Variants in TANC2 observed in about 807,000 individuals in gnomAD.
TANC2 encodes protein TANC2.
TANC2 carries 26 observed loss-of-function variants against 210.5 expected under a neutral mutation model. The ratio of observed to expected loss-of-function variants is 0.12; its 90% CI spans 0.09 to 0.17. The LOEUF (loss-of-function observed/expected upper bound fraction) is 0.17. Among genes scored for constraint, TANC2 ranks in the 10% least tolerant of loss-of-function variants. TANC2 has a pLI of 1.00. For missense variants in TANC2, 2,129 were observed against 2,608.9 expected, an observed-to-expected ratio of 0.82 and a Z score of 4.01; for synonymous variants, 931 against 967.1, an observed-to-expected ratio of 0.96 and a Z score of 0.69.
intron 9 of TANC2, among the ~76,000 whole-genome samples, chr17:63,312,551 A>G (rs563814260): frequency 6.6e-6 from 1 of 152,256 alleles, no homozygotes; most frequent in Non-Finnish European, 1.5e-5. Flanking sequence ...AAAGATGGTA[A>G]CAGTAGACAC....
Position 63,133,130 on chromosome 17 carries a change from C to T in TANC2, c.323-18140C>T, listed in dbSNP as rs535053211. On this transcript the variant is annotated intron_variant, in intron 4 of 27. Transcript: ENST00000689528. ...CTGAGATTACAGGTGTGTGCCACCA[C>T]GCCTGGCTAATTTTTGTATTTTTAG... Among the ~76,000 whole-genome samples the T allele has an allele frequency of 7.9e-4, 120 of 152,256 alleles. 1 individual carries two copies. Among genetic ancestry groups the T allele is most frequent in the Middle Eastern group, 6.8e-3 (2 of 292 alleles).
At chr17:63,055,981 AAAAAAAAAAATATATAT>A (rs1447950943) in intron 2 of TANC2, among the ~76,000 whole-genome samples, 538 of 33,506 alleles carry the variant, frequency 0.016, 4 homozygotes, top group Middle Eastern at 0.027. Context: ...AAAAAAAAAA[AAAAAAAAAAATATATAT>A]ATATATATAT....
chr17:63,233,359 G>C (rs1451627283), intron 7 of TANC2, among the ~76,000 whole-genome samples: 1 of 152,174 alleles, frequency 6.6e-6, no homozygotes, highest in Non-Finnish European at 1.5e-5. Flanking sequence ...GGCCCACGAG[G>C]GGGATCTCCT....
At chr17:63,275,599 G>A (rs1306409015) in intron 9 of TANC2, among the ~76,000 whole-genome samples, 1 of 152,034 alleles carries the variant, frequency 6.6e-6, no homozygotes, top group Non-Finnish European at 1.5e-5. Flanking sequence ...TCATTGCCTG[G>A]CTGGCTCTCA....
intron 1 of TANC2, among the ~76,000 whole-genome samples, chr17:63,002,776 A>G (rs1229913762): frequency 1.3e-5 from 2 of 152,160 alleles, no homozygotes; most frequent in South Asian, 2.1e-4. Flanking sequence ...TTCACTTGGC[A>G]TATTATATGT....
At chr17:63,198,323 T>C (rs1194942589) in intron 6 of TANC2, among the ~76,000 whole-genome samples, 1 of 152,014 alleles carries the variant, frequency 6.6e-6, no homozygotes, top group African/African-American at 2.4e-5. Context: ...GCCTCCTGAG[T>C]AGCTGGGAGT....
At chr17:63,330,064 C>G (rs141467600) in intron 11 of TANC2, among the ~76,000 whole-genome samples, 223 of 152,234 alleles carry the variant, frequency 1.5e-3, no homozygotes, top group Non-Finnish European at 2.7e-3. Flanking sequence ...GCAAAACAAG[C>G]TTTTTGCTGA....
chr17:63,130,264 C>G (rs1430007914), intron 4 of TANC2, among the ~76,000 whole-genome samples: 1 of 152,126 alleles, frequency 6.6e-6, no homozygotes, highest in Non-Finnish European at 1.5e-5. Flanking sequence ...ATCCCAGCAC[C>G]TTATGAGGCC....
chr17:62,978,005 CTTCAG>C (rs778486241), intron 1 of TANC2, among the ~76,000 whole-genome samples: 1 of 152,154 alleles, frequency 6.6e-6, no homozygotes, highest in East Asian at 1.9e-4. Flanking sequence ...ATGGCTATCA[CTTCAG>C]TTCAGTAAAT....
chr17:63,392,293 A>G (rs1420289539), intron 17 of TANC2, among the ~76,000 whole-genome samples: 1 of 152,212 alleles, frequency 6.6e-6, no homozygotes, highest in Non-Finnish European at 1.5e-5. Context: ...CTTGGCAGGC[A>G]TGTTCATATC....
intron 7 of TANC2, among the ~76,000 whole-genome samples, chr17:63,218,791 G>A (rs1259447440): frequency 6.6e-6 from 1 of 152,086 alleles, no homozygotes; most frequent in Non-Finnish European, 1.5e-5. Flanking sequence ...AGCTAAGGGA[G>A]GCTGAGACAG....
chr17:63,158,714 A>C (rs1414002455), intron 5 of TANC2, among the ~76,000 whole-genome samples: 1 of 152,210 alleles, frequency 6.6e-6, no homozygotes, highest in African/African-American at 2.4e-5. Context: ...ATTGTTGCAT[A>C]ACAAATTACC....
intron 4 of TANC2, among the ~76,000 whole-genome samples, chr17:63,119,637 T>C (rs2038385552): frequency 6.6e-6 from 1 of 152,218 alleles, no homozygotes; most frequent in South Asian, 2.1e-4. Context: ...AGTTAATGCT[T>C]CTTTATGACT....
intron 1 of TANC2, among the ~76,000 whole-genome samples, chr17:62,997,741 T>G (rs1236102578): frequency 6.6e-6 from 1 of 152,226 alleles, no homozygotes; most frequent in African/African-American, 2.4e-5. Flanking sequence ...ATTAAAGCAT[T>G]TTAATGGTAT....
chr17:63,328,225 G>C (rs2146688945), intron 11 of TANC2, among the ~76,000 whole-genome samples: 1 of 152,288 alleles, frequency 6.6e-6, no homozygotes, highest in Non-Finnish European at 1.5e-5. Flanking sequence ...GATACTACCT[G>C]TCGGGTACTA....
chr17:63,085,184 T>G (rs1401679182), intron 3 of TANC2, among the ~76,000 whole-genome samples: 1 of 152,210 alleles, frequency 6.6e-6, no homozygotes, highest in Non-Finnish European at 1.5e-5. Context: ...TCAAGACTGT[T>G]AAGTCTTGTT....
chr17:63,013,499 G>A (rs966087911), intron 2 of TANC2, among the ~76,000 whole-genome samples: 5 of 151,874 alleles, frequency 3.3e-5, no homozygotes, highest in South Asian at 2.1e-4. Flanking sequence ...GGCAGTGCAC[G>A]CCTGATAATC....
chr17:63,076,789 A>C (rs921534272), intron 3 of TANC2, among the ~76,000 whole-genome samples: 2 of 152,202 alleles, frequency 1.3e-5, no homozygotes, highest in Non-Finnish European at 1.5e-5. Context: ...AAATTCTGAT[A>C]GTAAAAACCA....
chr17:63,220,738 G>GTATA (rs1443733714), intron 7 of TANC2, among the ~76,000 whole-genome samples: 4 of 132,240 alleles, frequency 3.0e-5, no homozygotes, highest in African/African-American at 1.1e-4. Flanking sequence ...ATATATATAT[G>GTATA]TATATATATA....
Sources: allele counts gnomAD v4.1 joint callset (sites outside exome capture counted in the v4.1 genomes callset), GRCh38; gene constraint gnomAD v4.1.1; transcripts MANE v1.5; gene names NCBI Gene and HGNC (gene_info 2026-07-23, HGNC 2026-07-21).